Variants in ZBTB48 observed in about 807,000 individuals in gnomAD.
ZBTB48 encodes zinc finger and BTB domain-containing protein 48.
A neutral mutation model predicts 64.5 loss-of-function variants in ZBTB48; 35 were observed. That is an observed-to-expected ratio of 0.54 (90% CI 0.41 to 0.72). The LOEUF is 0.72. Among genes scored for constraint, ZBTB48 ranks in the 30% least tolerant of loss-of-function variants. ZBTB48 has a pLI of 0.00. For missense variants in ZBTB48, 828 were observed against 895.3 expected (o/e 0.92, Z 0.96); for synonymous variants, 442 against 356.7 (o/e 1.24, Z -2.70).
intron 9 of ZBTB48, 38 bp downstream of exon 9, chr1:6,588,480 T>C: frequency 6.8e-7 from 1 of 1,474,522 alleles, no homozygotes; most frequent in Non-Finnish European, 9.0e-7. Flanking sequence ...TTCCTGCTCA[T>C]CCGAGTTGGA....
rs200524758 is a variant in ZBTB48, at chr1:6,588,858, T to C, written c.1770+14T>C. The C allele has an allele frequency of 7.4e-6, 12 of 1,613,898 alleles. No individual in the cohort carries two copies. The highest frequency in any genetic ancestry group is 1.0e-5 in the Non-Finnish European group (12 of 1,180,018). On this transcript the variant is annotated intron_variant, in intron 10 of 10. Transcript: ENST00000377674. ...TTTACCCGACAGGTAGGCCAGGGCC[T>C]GGGCCCCTTCCCCTACCCTAGGATC...
rs1468602231 is a variant in ZBTB48 at position 6,581,259 on chromosome 1, T to TA, written c.651dup (p.Glu218ArgfsTer3). ...GACTGCAAAGTGCCCCCAAGGCCCTTAGAGGCTGAAGGTGCCCAGCTGCAG... is the reference window on the plus strand; with the variant it reads ...GACTGCAAAGTGCCCCCAAGGCCCTTAAGAGGCTGAAGGTGCCCAGCTGCAG... On this transcript the variant is annotated frameshift_variant, in exon 2 of 11. Transcript: ENST00000377674. LOFTEE classifies it high-confidence loss of function. 6.2e-7 allele frequency: 1 copy of TA among 1,610,820 alleles called. No individual in the cohort carries two copies. Among genetic ancestry groups the TA allele is most frequent in the East Asian group, 2.2e-5 (1 of 44,844 alleles).
Position 6,589,229 on chromosome 1 carries a change from G to C in ZBTB48, c.*17G>C. Reference sequence around the variant, plus strand: ...GACACATAGCCCATTCTGGCCACCAGAGCCCACTTGGCCCCACCCCTCAAT... The same window carrying C: ...GACACATAGCCCATTCTGGCCACCACAGCCCACTTGGCCCCACCCCTCAAT... On this transcript the variant is annotated 3_prime_UTR_variant, in exon 11 of 11. Coordinates refer to ENST00000377674, the MANE Select transcript of ZBTB48 (RefSeq NM_005341.4). 2 of 1,494,544 alleles carry C rather than the reference G, an allele frequency of 1.3e-6. No individual in the cohort carries two copies. Among genetic ancestry groups the C allele is most frequent in the South Asian group, 2.7e-5 (2 of 73,560 alleles). 92.6% of individuals were successfully genotyped at this position (1,494,544 alleles called of 1,614,324 possible).
rs1474109829 is a variant in ZBTB48 at position 6,584,818 on chromosome 1, G to A, written c.933-1101G>A. Among the ~76,000 whole-genome samples, 2 of 152,208 alleles carry A rather than the reference G, an allele frequency of 1.3e-5. No homozygotes were observed. The highest frequency in any genetic ancestry group is 4.8e-5 in the African/African-American group (2 of 41,454). On this transcript the variant is annotated intron_variant, in intron 3 of 10. Transcript: ENST00000377674. This position sits in a 1 kb window ranked among gnomAD's most constrained non-coding sequence, Gnocchi z 4.5. Reference sequence around the variant, plus strand: ...TGTAGAGGAAGAGGATGAGAGAGCTGCTTGGCCTCTGGAAGGTGGGAGGAG... The same window carrying A: ...TGTAGAGGAAGAGGATGAGAGAGCTACTTGGCCTCTGGAAGGTGGGAGGAG...
In ZBTB48 at chr1:6,582,090, G is replaced by C; in HGVS notation, c.723G>C (p.Gly241=). The C allele has an allele frequency of 6.2e-7, 1 of 1,614,180 alleles. No individual in the cohort carries two copies. The highest frequency in any genetic ancestry group is 8.5e-7 in the Non-Finnish European group (1 of 1,180,032). The change falls in exon 3 of 11, where the codon GGG becomes GGC. Residue 241 remains glycine (G), a synonymous_variant. Coordinates refer to ENST00000377674, the MANE Select transcript of ZBTB48 (RefSeq NM_005341.4). ...TGGTGGTTCAAGTGGAGGATGATGG[G>C]GATGGCGATTACATGTCTGAGCCTG... The part of the protein sequence containing the change: ...WEVVVQVEDD[G]DGDYMSEPEA...
Position 6,581,134 on chromosome 1 carries a change from C to G in ZBTB48, c.525C>G (p.Pro175=), listed in dbSNP as rs778429890. Residue 175 remains proline (P), a synonymous_variant, in exon 2 of 11, where the codon CCC becomes CCG. Transcript: ENST00000377674. Reference sequence around the variant, plus strand: ...GAGGCAGTCATAGTCCTCAGAGGCCCCAGCTCCATTCCCCAGCTCAGAGTG... The same window carrying G: ...GAGGCAGTCATAGTCCTCAGAGGCCGCAGCTCCATTCCCCAGCTCAGAGTG... ...EPRGSHSPQR[P]QLHSPAQSEG... is the part of the protein sequence containing the mutation. 3 of 1,613,406 alleles carry G rather than the reference C, an allele frequency of 1.9e-6. No individual in the cohort carries two copies. Among genetic ancestry groups the G allele is most frequent in the Non-Finnish European group, 2.5e-6 (3 of 1,180,012 alleles).
At chr1:6,586,882 A>G in intron 5 of ZBTB48, 95 bp downstream of exon 5, 2 of 1,412,740 alleles carry the variant, frequency 1.4e-6, no homozygotes, top group East Asian at 5.0e-5. Context: ...CACCTCCCTC[A>G]CAGTAGCTGT....
Position 6,587,611 on chromosome 1 carries a change from T to C in ZBTB48, c.1358T>C (p.Met453Thr). ...HRASSRNGLQ[M>T]HIKAKHRNER... Reference sequence around the variant, plus strand: ...GCCTCGAGCCGGAATGGCCTGCAGATGCACATCAAGGCCAAGCACAGGTGC... The same window carrying C: ...GCCTCGAGCCGGAATGGCCTGCAGACGCACATCAAGGCCAAGCACAGGTGC... The change falls in exon 7 of 11, where the codon ATG becomes ACG. Residue 453 changes from methionine (M) to threonine (T), a missense_variant. Transcript: ENST00000377674. 3 of 1,613,458 alleles carry C rather than the reference T, an allele frequency of 1.9e-6. No individual in the cohort carries two copies.
At position 6,589,099 on chromosome 1, in the gene ZBTB48, G is replaced by A; in HGVS notation, c.1954G>A (p.Ala652Thr). The A allele has an allele frequency of 6.2e-7, 1 of 1,608,350 alleles. No homozygotes were observed. Among genetic ancestry groups the A allele is most frequent in the Non-Finnish European group, 8.5e-7 (1 of 1,177,980 alleles). The change falls in exon 11 of 11, where the codon GCC becomes ACC. Residue 652 changes from alanine to threonine, a missense_variant. Coordinates refer to ENST00000377674, the MANE Select transcript of ZBTB48 (RefSeq NM_005341.4). ...IVESLAQGGLASQLPGQRLCA... is the reference protein window; with the variant it reads ...IVESLAQGGLTSQLPGQRLCA... ...GGAGTCCCTGGCCCAGGGCGGCCTG[G>A]CCTCCCAGCTCCCCGGCCAGAGACT...
chr1:6,587,696 G>A (rs1265894819), intron 7 of ZBTB48, 64 bp downstream of exon 7: 1 of 1,594,136 alleles, frequency 6.3e-7, no homozygotes, highest in Non-Finnish European at 8.5e-7. Flanking sequence ...GCACCGGCAG[G>A]GAAGACAGAG....
In ZBTB48 at chr1:6,588,971, G is replaced by T. The variant is rs1303952241; in HGVS notation, c.1826G>T (p.Arg609Leu). 2 of 1,602,556 alleles carry T rather than the reference G, an allele frequency of 1.2e-6. No homozygotes were observed. The highest frequency in any genetic ancestry group is 1.7e-6 in the Non-Finnish European group (2 of 1,173,102). ...GACCGGGTAGAGAACTACAACCCGC[G>T]GCAGCGCAAGCTCCGCAACCTGATC... ...IHDRVENYNP[R>L]QRKLRNLIIE... The change falls in exon 11 of 11, where the codon CGG becomes CTG. Residue 609 changes from arginine (R) to leucine (L), a missense_variant. Physicochemically the swap from Arg to Leu is moderately radical, Grantham distance 102 (BLOSUM62 -2). Transcript: ENST00000377674.
chr1:6,581,934 G>A, intron 2 of ZBTB48, 124 bp from the exon 3 acceptor site: 2 of 1,440,594 alleles, frequency 1.4e-6, no homozygotes, highest in African/African-American at 1.4e-5. Context: ...GGCCCCTGAA[G>A]GAACTTGTCT....
At position 6,587,278 on chromosome 1, in the gene ZBTB48, C is replaced by T; in HGVS notation, c.1211C>T (p.Pro404Leu). Residue 404 changes from proline to leucine, a missense_variant, in exon 6 of 11, where the codon CCC (proline) becomes CTC (leucine). Physicochemically the swap from Pro to Leu is moderately conservative, Grantham distance 98 (BLOSUM62 -3). Coordinates refer to ENST00000377674, the MANE Select transcript of ZBTB48 (RefSeq NM_005341.4). ...QSHMIKLHGA[P>L]KPHACPTCAK... ...CACATGATCAAACTTCATGGAGCCC[C>T]CAAGCCCCATGCAGTAAGTGACAGG... 6.2e-7 allele frequency: 1 copy of T among 1,614,074 alleles called. No homozygotes were observed. The highest frequency in any genetic ancestry group is 8.5e-7 in the Non-Finnish European group (1 of 1,180,034).
At position 6,587,110 on chromosome 1, in the gene ZBTB48, G is replaced by A. The variant is rs548584176; in HGVS notation, c.1138-95G>A. 3.8e-6 allele frequency: 5 copies of A among 1,331,456 alleles called. No homozygotes were observed. The South Asian group carries it at 4.8e-5, about 13-fold the overall frequency. The allele number at this position is 1,331,456 out of a possible 1,614,324, so 82.5% of individuals were successfully genotyped here. On this transcript the variant is annotated intron_variant, in intron 5 of 10. Transcript: ENST00000377674. ...GTCCTCCCAGAATCATCTCACCGGG[G>A]CCTCCCTCTAGTTCCTGCCCTATAG... is the stretch of plus-strand genomic sequence containing the variant.
At chr1:6,585,498 T>C in intron 3 of ZBTB48, 1 of 196,956 alleles carries the variant, frequency 5.1e-6, no homozygotes, top group Non-Finnish European at 1.1e-5. Flanking sequence ...GGAGACCAGA[T>C]GGGCAGCTCC....
Position 6,580,383 on chromosome 1 carries a change from T to TC in ZBTB48, c.-69-152dup, listed in dbSNP as rs1640391769. 6.6e-6 allele frequency among the ~76,000 whole-genome samples: 1 copy of TC among 151,208 alleles called. No individual in the cohort carries two copies. The highest frequency in any genetic ancestry group is 2.4e-5 in the African/African-American group (1 of 41,080). ...CACGACCCTGGCCCCCCATCCAGCA[T>TC]CCCCCCTGGCCAATCCAATATGGCC... On this transcript the variant is annotated intron_variant, in intron 1 of 10. Transcript: ENST00000377674. This position sits in a 1 kb window ranked among gnomAD's most constrained non-coding sequence, Gnocchi z 5.2.
intron 3 of ZBTB48, 114 bp downstream of exon 3, chr1:6,582,413 C>A: frequency 1.5e-6 from 2 of 1,362,762 alleles, no homozygotes; most frequent in Non-Finnish European, 2.0e-6. Flanking sequence ...CATCTCAGAC[C>A]CACATAGTGT....
At chr1:6,585,843 A>T (rs6697222) in intron 3 of ZBTB48, 76 bp from the exon 4 acceptor site, 32,636 of 1,413,800 alleles carry the variant, frequency 0.023, 456 homozygotes, top group Non-Finnish European at 0.028. Context: ...CTTAGAAGGG[A>T]CCCAGAGGGG....
intron 2 of ZBTB48, 131 bp downstream of exon 2, chr1:6,581,430 G>C (rs777702378): frequency 9.5e-5 from 98 of 1,026,438 alleles, no homozygotes; most frequent in Non-Finnish European, 1.2e-4. Context: ...GGGAGGCCAA[G>C]GGGGGTGGAT....
Sources: gnomAD v4.1 joint callset for allele counts (sites outside exome capture counted in the v4.1 genomes callset) on GRCh38, gnomAD v4.1.1 for gene constraint, Gnocchi (gnomAD v3.1) non-coding constraint, MANE v1.5 for transcripts, NCBI Gene and HGNC (gene_info 2026-07-23, HGNC 2026-07-21) for gene names.